NLRP9: variants seen among roughly 807,000 people sequenced by gnomAD.
NLRP9 encodes NLR family pyrin domain containing 9, also known as NACHT, LRR and PYD domains-containing protein 9.
In NLRP9, 88 loss-of-function variants were observed where a neutral mutation model predicts 83.1. That is an observed-to-expected ratio of 1.06 (90% CI 0.89 to 1.26). The LOEUF (loss-of-function observed/expected upper bound fraction) is 1.26. Ranked by LOEUF, NLRP9 falls within the 50% of genes most tolerant of loss-of-function variation. The probability of loss-of-function intolerance (pLI) is 0.00; values close to 1 mark genes in which losing one functional copy is unlikely to be tolerated. For synonymous variants in NLRP9, 521 were observed against 447.6 expected (o/e 1.16, Z -2.07); for missense variants, 1,308 against 1,179.3 (o/e 1.11, Z -1.60).
At chr19:55,716,955 A>ATT in intron 4 of NLRP9, 57 bp from the exon 5 acceptor site, 1 of 1,450,982 alleles carries the variant, frequency 6.9e-7, no homozygotes, top group South Asian at 1.2e-5. Flanking sequence ...CTCATGAAAC[A>ATT]TTATCCACAG....
At chr19:55,713,508 G>A (rs545760582) in intron 6 of NLRP9, among the ~76,000 whole-genome samples, 7 of 150,776 alleles carry the variant, frequency 4.6e-5, no homozygotes, top group African/African-American at 1.2e-4. Flanking sequence ...CCCACCAGAG[G>A]ACACTGGTAG....
rs1275618408 is a variant in NLRP9 at position 55,732,246 on chromosome 19, T to C, written c.1585A>G (p.Ser529Gly). Reference sequence around the variant, plus strand: ...CTATCAGCTTCACATTGACTTAAACTTTCAAGGCATTGGGTTATTTCCTGC... The same window carrying C: ...CTATCAGCTTCACATTGACTTAAACCTTCAAGGCATTGGGTTATTTCCTGC... Reference protein sequence around the residue: ...LKQEITQCLESLSQCEADREA... With the variant: ...LKQEITQCLEGLSQCEADREA... The change falls in exon 2 of 9, where the codon AGT becomes GGT. Residue 529 changes from serine to glycine, a missense_variant. Transcript: ENST00000332836. 5 of 1,614,100 alleles carry C rather than the reference T, an allele frequency of 3.1e-6. No individual in the cohort carries two copies. In the South Asian group the frequency reaches 4.4e-5, roughly 14 times the overall value.
At chr19:55,730,147 A>T (rs1988531001) in intron 2 of NLRP9, among the ~76,000 whole-genome samples, 155 bp from the exon 3 acceptor site, 1 of 152,216 alleles carries the variant, frequency 6.6e-6, no homozygotes, top group South Asian at 2.1e-4. Flanking sequence ...AGCCAACATG[A>T]CATAATAGTT....
rs758078069 is a variant in NLRP9, at chr19:55,732,449, C to G, written c.1382G>C (p.Arg461Pro). 1 of 1,614,184 alleles carries G rather than the reference C, an allele frequency of 6.2e-7. No individual in the cohort carries two copies. The highest frequency in any genetic ancestry group is 8.5e-7 in the Non-Finnish European group (1 of 1,180,032). The change falls in exon 2 of 9, where the codon CGA becomes CCA. Residue 461 changes from arginine (R) to proline (P), a missense_variant. Physicochemically the swap from Arg to Pro is moderately radical, Grantham distance 103. Transcript: ENST00000332836. ...GGCCGGGTTAGGATCGTCTTTGGGTCGTTTGAGCAAATAAAACATGGCGGC... is the reference window on the plus strand; with the variant it reads ...GGCCGGGTTAGGATCGTCTTTGGGTGGTTTGAGCAAATAAAACATGGCGGC... ...FCAAMFYLLK[R>P]PKDDPNPAIG...
At chr19:55,715,580 A>T (rs1483615113) in intron 5 of NLRP9, among the ~76,000 whole-genome samples, 2 of 152,180 alleles carry the variant, frequency 1.3e-5, no homozygotes, top group African/African-American at 4.8e-5. Flanking sequence ...GCTACTCGGG[A>T]GGCTGAGGCA....
At chr19:55,716,685 C>G (rs202199020) in intron 5 of NLRP9, 43 bp downstream of exon 5, 1 of 1,557,106 alleles carries the variant, frequency 6.4e-7, no homozygotes, top group Non-Finnish European at 8.8e-7. Context: ...TCCAGGTGCA[C>G]GCTTCAGAAA....
At chr19:55,712,302 G>C (rs1280087269) in intron 7 of NLRP9, 118 bp downstream of exon 7, 1 of 839,904 alleles carries the variant, frequency 1.2e-6, no homozygotes, top group Non-Finnish European at 1.9e-6. Flanking sequence ...TTACATATCA[G>C]ATCGTCCCAG....
At position 55,732,558 on chromosome 19, in the gene NLRP9, C is replaced by T. The variant is rs756882170; in HGVS notation, c.1273G>A (p.Gly425Ser). Residue 425 changes from glycine to serine, a missense_variant, in exon 2 of 9, where the codon GGC becomes AGC. By Grantham distance (56) the Gly-to-Ser change is moderately conservative. Transcript: ENST00000332836. Reference sequence around the variant, plus strand: ...AGTCTCATACCCACCCACATCACGCCCTCAGACTCAGATAACCCATTCCTC... The same window carrying T: ...AGTCTCATACCCACCCACATCACGCTCTCAGACTCAGATAACCCATTCCTC... ...LRRNGLSESEGVMWVGMRLLQ... is the reference protein window; with the variant it reads ...LRRNGLSESESVMWVGMRLLQ... 6 of 1,614,080 alleles carry T rather than the reference C, an allele frequency of 3.7e-6. No individual in the cohort carries two copies. The highest frequency in any genetic ancestry group is 5.1e-6 in the Non-Finnish European group (6 of 1,180,046).
Position 55,723,927 on chromosome 19 carries a change from G to A in NLRP9, c.2159+53C>T, listed in dbSNP as rs540034558. On this transcript the variant is annotated intron_variant, in intron 4 of 8. Transcript: ENST00000332836. ...GGAAGGAAAACAAGAAAATCAAACT[G>A]CAAAGCCCACCTTGGAAAGAAACAG... is the stretch of plus-strand genomic sequence containing the variant. 4.0e-5 allele frequency: 60 copies of A among 1,485,514 alleles called. 1 individual carries two copies. In the Admixed American group the frequency reaches 1.1e-3, roughly 28 times the overall value. 92.0% of individuals were successfully genotyped at this position (1,485,514 alleles called of 1,614,324 possible). A position where few individuals can be genotyped will look rare whatever the true frequency, so the allele number is the denominator to read the frequency against.
At chr19:55,717,376 C>T (rs543979998) in intron 4 of NLRP9, among the ~76,000 whole-genome samples, 2 of 152,260 alleles carry the variant, frequency 1.3e-5, no homozygotes, top group South Asian at 4.1e-4. Context: ...GACATGACTC[C>T]CTCATTAATC....
At chr19:55,720,862 T>C (rs1380671619) in intron 4 of NLRP9, among the ~76,000 whole-genome samples, 1 of 152,096 alleles carries the variant, frequency 6.6e-6, no homozygotes, top group African/African-American at 2.4e-5. Flanking sequence ...CATCAGCACA[T>C]CAAACAGACA....
At chr19:55,718,346 G>A (rs965654383) in intron 4 of NLRP9, among the ~76,000 whole-genome samples, 2 of 152,210 alleles carry the variant, frequency 1.3e-5, no homozygotes, top group South Asian at 4.1e-4. Flanking sequence ...GAGTGAAAGA[G>A]GGAGGCCTCT....
intron 2 of NLRP9, among the ~76,000 whole-genome samples, chr19:55,730,442 G>C (rs2122326648): frequency 1.4e-5 from 2 of 146,512 alleles, no homozygotes; most frequent in Middle Eastern, 3.4e-3. Flanking sequence ...AACAGAGCTA[G>C]ACCCTGCCTC....
Position 55,732,223 on chromosome 19 carries a change from A to G in NLRP9, c.1608T>C (p.Asp536=). 1.2e-6 allele frequency: 2 copies of G among 1,613,838 alleles called. No homozygotes were observed. The highest frequency in any genetic ancestry group is 1.7e-6 in the Non-Finnish European group (2 of 1,179,722). The change falls in exon 2 of 9, where the codon GAT becomes GAC. Residue 536 remains aspartate, a synonymous_variant. Coordinates refer to ENST00000332836, the MANE Select transcript of NLRP9 (RefSeq NM_176820.4). ...CLESLSQCEA[D]REAIAFQELF... ...GTTCCTGGAAAGCTATGGCTTCCCT[A>G]TCAGCTTCACATTGACTTAAACTTT...
rs1442280006 is a variant in NLRP9, at chr19:55,708,763, A to G, written c.*149T>C. On this transcript the variant is annotated 3_prime_UTR_variant, in exon 9 of 9. Coordinates refer to ENST00000332836, the MANE Select transcript of NLRP9 (RefSeq NM_176820.4). ...CAGCATGTACACTGAATCACACTCC[A>G]TAATCATATTGCTAGAACACTTAGG... 3.6e-6 allele frequency: 2 copies of G among 559,442 alleles called. No homozygotes were observed. The highest frequency in any genetic ancestry group is 1.9e-5 in the African/African-American group (1 of 51,346). The allele number at this position is 559,442 out of a possible 1,614,324, so 34.7% of individuals were successfully genotyped here. A position where few individuals can be genotyped will look rare whatever the true frequency, so the allele number is the denominator to read the frequency against.
rs763996023 is a variant in NLRP9, at chr19:55,734,620, C to CATAT, written c.281-1074_281-1071dup. On this transcript the variant is annotated intron_variant, in intron 1 of 8. Coordinates refer to ENST00000332836, the MANE Select transcript of NLRP9 (RefSeq NM_176820.4). ...ACATACACATACACACACACACACA[C>CATAT]ATATATATATATATATATTTTTTTT... Among the ~76,000 whole-genome samples, 49 of 87,610 alleles carry CATAT rather than the reference C, an allele frequency of 5.6e-4. No homozygotes were observed. In the East Asian group the frequency reaches 0.015, roughly 26 times the overall value. 57.5% of individuals were successfully genotyped at this position (87,610 alleles called of 152,430 possible).
At position 55,732,739 on chromosome 19, in the gene NLRP9, G is replaced by C; in HGVS notation, c.1092C>G (p.Thr364=). Residue 364 remains threonine, a synonymous_variant, in exon 2 of 9, where the codon ACC becomes ACG. Transcript: ENST00000332836. ...GEDLEINSQN[T]TYLYASFLTT... is the part of the protein sequence containing the mutation. ...TTAAAAAGGATGCATATAAATAGGT[G>C]GTGTTTTGGGAGTTTATTTCAAGGT... The C allele has an allele frequency of 6.2e-7, 1 of 1,614,014 alleles. No homozygotes were observed. The highest frequency in any genetic ancestry group is 8.5e-7 in the Non-Finnish European group (1 of 1,179,952).
At chr19:55,709,068 T>G (rs765356253) in intron 8 of NLRP9, 24 bp from the exon 9 acceptor site, 30 of 1,548,464 alleles carry the variant, frequency 1.9e-5, no homozygotes, top group Non-Finnish European at 2.4e-5. Context: ...AATAAAGTTT[T>G]TTTTTTTGTT....
At chr19:55,733,710 G>A (rs1434570872) in intron 1 of NLRP9, among the ~76,000 whole-genome samples, 160 bp from the exon 2 acceptor site, 1 of 152,118 alleles carries the variant, frequency 6.6e-6, no homozygotes, top group Admixed American at 6.6e-5. Flanking sequence ...CGCCATGATG[G>A]GAAGTGGGGG....
Sources: gnomAD v4.1 joint callset for allele counts (sites outside exome capture counted in the v4.1 genomes callset) on GRCh38, gnomAD v4.1.1 for gene constraint, MANE v1.5 for transcripts, NCBI Gene and HGNC (gene_info 2026-07-23, HGNC 2026-07-21) for gene names.